ARHGAP26: variants seen among roughly 807,000 people sequenced by gnomAD.
ARHGAP26 encodes the protein rho GTPase-activating protein 26.
Under a neutral mutation model 104.8 loss-of-function variants are expected in ARHGAP26, and 38 were observed. That is an observed-to-expected ratio of 0.36 (90% CI 0.28 to 0.48). ARHGAP26 has a LOEUF of 0.48. Among genes scored for constraint, ARHGAP26 ranks in the 20% least tolerant of loss-of-function variants. ARHGAP26 has a pLI of 0.99. For synonymous variants in ARHGAP26, 341 were observed against 340.0 expected (o/e 1.00, Z -0.03); for missense variants, 704 against 947.9 (o/e 0.74, Z 3.38).
At chr5:143,125,921 G>A (rs1796675195) in intron 18 of ARHGAP26, among the ~76,000 whole-genome samples, 1 of 152,170 alleles carries the variant, frequency 6.6e-6, no homozygotes, top group African/African-American at 2.4e-5. Flanking sequence ...AGGAACAGGG[G>A]TTGAACTTAG....
chr5:142,978,747 C>CTTTTT (rs11375975), intron 11 of ARHGAP26, among the ~76,000 whole-genome samples: 26 of 124,636 alleles, frequency 2.1e-4, no homozygotes, highest in South Asian at 1.3e-3. Context: ...AGGAGTTTGC[C>CTTTTT]TTTTTTTTTT....
intron 10 of ARHGAP26, among the ~76,000 whole-genome samples, chr5:142,923,133 T>C (rs1763427501): frequency 2.0e-5 from 3 of 152,030 alleles, no homozygotes; most frequent in Admixed American, 2.0e-4. Flanking sequence ...TGTTTGCTGT[T>C]TGATTCTGGT....
chr5:142,823,096 C>G (rs1475283236), intron 1 of ARHGAP26, among the ~76,000 whole-genome samples: 1 of 152,158 alleles, frequency 6.6e-6, no homozygotes, highest in African/African-American at 2.4e-5. Context: ...ATCACTATTC[C>G]CATTTTACAG....
Position 142,994,431 on chromosome 5 carries a change from A to G in ARHGAP26, c.1108-19649A>G, listed in dbSNP as rs1037505482. ...AGAGGCCTCATGTAGAAATCTGGAC[A>G]TTATGCTGTTAAGGGGTGACGCAAC... On this transcript the variant is annotated intron_variant, in intron 11 of 22. Coordinates refer to ENST00000645722, the MANE Select transcript of ARHGAP26 (RefSeq NM_001135608.3). 5.4e-4 allele frequency among the ~76,000 whole-genome samples: 83 copies of G among 152,322 alleles called. 1 individual carries two copies. Among genetic ancestry groups the G allele is most frequent in the Admixed American group, 5.4e-3 (82 of 15,300 alleles).
At chr5:143,082,709 T>C (rs902757186) in intron 17 of ARHGAP26, among the ~76,000 whole-genome samples, 1 of 152,270 alleles carries the variant, frequency 6.6e-6, no homozygotes, top group African/African-American at 2.4e-5. Flanking sequence ...ATTACAGATC[T>C]GAAACCAAGA....
chr5:142,783,757 G>A (rs1201033513), intron 1 of ARHGAP26, among the ~76,000 whole-genome samples: 1 of 152,214 alleles, frequency 6.6e-6, no homozygotes, highest in Non-Finnish European at 1.5e-5. Context: ...AGCTGCTGCT[G>A]GTGTGATCCC....
intron 1 of ARHGAP26, among the ~76,000 whole-genome samples, chr5:142,867,312 TG>T (rs1443563991): frequency 6.8e-6 from 1 of 147,932 alleles, no homozygotes; most frequent in African/African-American, 2.5e-5. Context: ...TGTGTGTGTG[TG>T]TGTGTGTGTG....
intron 3 of ARHGAP26, among the ~76,000 whole-genome samples, chr5:142,876,817 C>T (rs1173827451): frequency 7.3e-6 from 1 of 136,328 alleles, no homozygotes; most frequent in Non-Finnish European, 1.6e-5. Context: ...TTCTTTAAAA[C>T]TCCAAACAGA....
intron 11 of ARHGAP26, among the ~76,000 whole-genome samples, chr5:142,949,397 C>T (rs1767957519): frequency 6.6e-6 from 1 of 152,094 alleles, no homozygotes; most frequent in South Asian, 2.1e-4. Flanking sequence ...TTCATTTTTG[C>T]CACCGTCATC....
At chr5:143,015,019 C>A (rs545353178) in intron 12 of ARHGAP26, among the ~76,000 whole-genome samples, 18 of 152,026 alleles carry the variant, frequency 1.2e-4, no homozygotes, top group African/African-American at 4.1e-4. Context: ...AGAGATTTTT[C>A]CCCCCCTTTC....
At chr5:143,077,728 C>T (rs1789242554) in intron 17 of ARHGAP26, among the ~76,000 whole-genome samples, 2 of 152,344 alleles carry the variant, frequency 1.3e-5, no homozygotes, top group South Asian at 4.1e-4. Context: ...AAATGTCTGA[C>T]TGTTGTGAGC....
chr5:143,154,931 T>G (rs1749754193), intron 20 of ARHGAP26, among the ~76,000 whole-genome samples: 1 of 152,202 alleles, frequency 6.6e-6, no homozygotes, highest in South Asian at 2.1e-4. Context: ...GCTGCTATGC[T>G]TTTACTAGAA....
At chr5:142,937,797 AAT>A (rs869064727) in intron 11 of ARHGAP26, among the ~76,000 whole-genome samples, 17 of 144,474 alleles carry the variant, frequency 1.2e-4, no homozygotes, top group South Asian at 1.0e-3. Flanking sequence ...CTCAAAAAAA[AAT>A]ATACTTTAAT....
intron 11 of ARHGAP26, among the ~76,000 whole-genome samples, chr5:143,008,753 T>TA (rs1778345160): frequency 6.6e-6 from 1 of 152,252 alleles, no homozygotes; most frequent in South Asian, 2.1e-4. Flanking sequence ...TTGCTTTACT[T>TA]ATGTCTTTAA....
rs145225872 is a variant in ARHGAP26, at chr5:143,037,979, G to A, written c.1210+718G>A. ...GCAGGACATTAAGATCAAGGAGGCT[G>A]GTTCATCCTGATGGTCTCCATCCCT... On this transcript the variant is annotated intron_variant, in intron 13 of 22. Coordinates refer to ENST00000645722, the MANE Select transcript of ARHGAP26 (RefSeq NM_001135608.3). Among the ~76,000 whole-genome samples, 18 of 152,290 alleles carry A rather than the reference G, an allele frequency of 1.2e-4. 2 individuals are homozygous for A. The highest frequency in any genetic ancestry group is 4.3e-4 in the African/African-American group (18 of 41,560).
Position 143,108,879 on chromosome 5 carries a change from A to ACAAGCTCTCAGCG in ARHGAP26, c.1539-12094_1539-12082dup, listed in dbSNP as rs1429611964. ...TGAGATTTACATCTCTTGGGAAGTGACAAGCTCTCAGCGCAAGCTCTCAGC... is the reference window on the plus strand; with the variant it reads ...TGAGATTTACATCTCTTGGGAAGTGACAAGCTCTCAGCGCAAGCTCTCAGCGCAAGCTCTCAGC... On this transcript the variant is annotated intron_variant, in intron 17 of 22. Coordinates refer to ENST00000645722, the MANE Select transcript of ARHGAP26 (RefSeq NM_001135608.3). 2.6e-5 allele frequency among the ~76,000 whole-genome samples: 4 copies of ACAAGCTCTCAGCG among 152,288 alleles called. No homozygotes were observed. The South Asian group carries it at 8.3e-4, about 32-fold the overall frequency.
At position 142,843,081 on chromosome 5, in the gene ARHGAP26, T is replaced by C. The variant is rs896101230; in HGVS notation, c.155-30319T>C. 3.9e-5 allele frequency among the ~76,000 whole-genome samples: 6 copies of C among 152,330 alleles called. No homozygotes were observed. In the South Asian group the frequency reaches 1.2e-3, roughly 32 times the overall value. On this transcript the variant is annotated intron_variant, in intron 1 of 22. Coordinates refer to ENST00000645722, the MANE Select transcript of ARHGAP26 (RefSeq NM_001135608.3). ...GACCTACCCCGCCTTTGGCAACTTC[T>C]TATACTTATTTTCTGGGTTGCTTTC...
intron 14 of ARHGAP26, among the ~76,000 whole-genome samples, chr5:143,044,076 G>C (rs1332266603): frequency 6.6e-6 from 1 of 152,032 alleles, no homozygotes; most frequent in Admixed American, 6.6e-5. Context: ...AAGGTGTTTG[G>C]GGTTTTTTCT....
rs1218164789 is a variant in ARHGAP26 at position 142,949,211 on chromosome 5, GAGAGAGAGAGGAGAGAGAGAGGAGAGAGA to G, written c.1107+17087_1107+17115del. ...AGAGAGAGAGAGAGAGAGAGAGAGAGAGAGAGAGAGGAGAGAGAGAGGAGAGAGAGAGAGAGAGAGAGAGAGTTGAGAAT... is the reference window on the plus strand; with the variant it reads ...AGAGAGAGAGAGAGAGAGAGAGAGAGGAGAGAGAGAGAGAGAGTTGAGAAT... On this transcript the variant is annotated intron_variant, in intron 11 of 22. Coordinates refer to ENST00000645722, the MANE Select transcript of ARHGAP26 (RefSeq NM_001135608.3). Among the ~76,000 whole-genome samples, 77 of 65,484 alleles carry G rather than the reference GAGAGAGAGAGGAGAGAGAGAGGAGAGAGA, an allele frequency of 1.2e-3. No individual in the cohort carries two copies. In the East Asian group the frequency reaches 0.077, roughly 66 times the overall value. The allele number at this position is 65,484 out of a possible 152,430, so 43.0% of individuals were successfully genotyped here.
Sources: gnomAD v4.1 joint callset for allele counts (sites outside exome capture counted in the v4.1 genomes callset) on GRCh38, gnomAD v4.1.1 for gene constraint, MANE v1.5 for transcripts, NCBI Gene and HGNC (gene_info 2026-07-23, HGNC 2026-07-21) for gene names.